PTPRD: variants seen among roughly 807,000 people sequenced by gnomAD.
PTPRD encodes the protein protein tyrosine phosphatase receptor type D, also known as receptor-type tyrosine-protein phosphatase delta.
Under a neutral mutation model 214.5 loss-of-function variants are expected in PTPRD, and 34 were observed. The ratio of observed to expected loss-of-function variants is 0.16; its 90% CI spans 0.12 to 0.21. PTPRD has a LOEUF of 0.21. Ranked by LOEUF, PTPRD falls within the 10% of genes least tolerant of loss-of-function variation. PTPRD has a pLI of 1.00. For missense variants in PTPRD, 2,545 were observed against 2,398.7 expected (o/e 1.06, Z -1.27); for synonymous variants, 1,128 against 845.7 (o/e 1.33, Z -5.79).
intron 2 of PTPRD, among the ~76,000 whole-genome samples, chr9:10,406,597 C>T (rs111278260): frequency 0.014 from 2,173 of 151,672 alleles, 38 homozygotes; most frequent in African/African-American, 0.042. Context: ...CTGCAACCAA[C>T]ATGAAACACA....
intron 8 of PTPRD, among the ~76,000 whole-genome samples, chr9:9,566,669 C>T (rs1265428186): frequency 6.6e-6 from 1 of 152,018 alleles, no homozygotes; most frequent in Non-Finnish European, 1.5e-5. Context: ...AGATTAAACA[C>T]CAGCTTTTAA....
At chr9:9,533,912 T>C (rs571983709) in intron 8 of PTPRD, among the ~76,000 whole-genome samples, 1 of 152,224 alleles carries the variant, frequency 6.6e-6, no homozygotes, top group East Asian at 1.9e-4. Flanking sequence ...ATCTCCTTTT[T>C]ACTGTATCCT....
At chr9:8,322,336 C>A (rs1018082946) in intron 44 of PTPRD, among the ~76,000 whole-genome samples, 13 of 152,174 alleles carry the variant, frequency 8.5e-5, no homozygotes, top group African/African-American at 2.7e-4. Flanking sequence ...AGCTAGGCCT[C>A]TCGCACCAAA....
At chr9:9,227,522 C>A (rs1470050559) in intron 9 of PTPRD, among the ~76,000 whole-genome samples, 1 of 152,122 alleles carries the variant, frequency 6.6e-6, no homozygotes, top group African/African-American at 2.4e-5. Context: ...CTCTGACACT[C>A]CTCCCTATAA....
intron 2 of PTPRD, among the ~76,000 whole-genome samples, chr9:10,380,989 A>G (rs1340706349): frequency 6.6e-6 from 1 of 151,960 alleles, no homozygotes; most frequent in African/African-American, 2.4e-5. Flanking sequence ...TATGGTAGTG[A>G]TATTTAAAAA....
intron 5 of PTPRD, among the ~76,000 whole-genome samples, chr9:9,868,456 AG>A (rs1329957896): frequency 6.6e-6 from 1 of 152,168 alleles, no homozygotes; most frequent in Non-Finnish European, 1.5e-5. Flanking sequence ...AGCAAGTCAA[AG>A]ATCAAAGTAG....
chr9:8,321,495 A>G (rs1184389232), intron 44 of PTPRD, among the ~76,000 whole-genome samples: 37 of 76,000 alleles, frequency 4.9e-4, no homozygotes, highest in East Asian at 1.3e-3. Context: ...GTGTATATAT[A>G]TATATATATA....
chr9:8,914,146 A>G (rs1436899374), intron 11 of PTPRD, among the ~76,000 whole-genome samples: 4 of 152,138 alleles, frequency 2.6e-5, no homozygotes, highest in Non-Finnish European at 5.9e-5. Flanking sequence ...TCTAGAGTGG[A>G]TGATTTTAAC....
chr9:8,976,854 G>T (rs2099270685), intron 11 of PTPRD, among the ~76,000 whole-genome samples: 2 of 152,048 alleles, frequency 1.3e-5, no homozygotes, highest in African/African-American at 2.4e-5. Flanking sequence ...GCCTGTTAAG[G>T]TGAAGGAAAA....
intron 39 of PTPRD, among the ~76,000 whole-genome samples, chr9:8,343,724 G>A (rs1171640627): frequency 3.3e-5 from 5 of 151,932 alleles, no homozygotes; most frequent in Non-Finnish European, 7.4e-5. Flanking sequence ...CATACATCTT[G>A]AGAGCAGGAA....
chr9:8,555,040 T>C (rs2083321810), intron 14 of PTPRD, among the ~76,000 whole-genome samples: 1 of 152,194 alleles, frequency 6.6e-6, no homozygotes. Flanking sequence ...ATTTGCTAAA[T>C]GTTACTATAT....
intron 2 of PTPRD, among the ~76,000 whole-genome samples, chr9:10,378,693 G>A (rs1258424630): frequency 2.6e-5 from 4 of 151,930 alleles, no homozygotes. Flanking sequence ...TTTTATTCCA[G>A]TGCCATGCTG....
chr9:9,680,066 A>G (rs1023579193), intron 7 of PTPRD, among the ~76,000 whole-genome samples: 1 of 151,930 alleles, frequency 6.6e-6, no homozygotes, highest in African/African-American at 2.4e-5. Context: ...TAAATATGGT[A>G]TCAGGGAAAC....
intron 2 of PTPRD, among the ~76,000 whole-genome samples, chr9:10,390,078 C>T (rs1338881483): frequency 6.6e-6 from 1 of 151,624 alleles, no homozygotes; most frequent in East Asian, 2.0e-4. Context: ...TGATAAATTG[C>T]CCATTAGGAG....
intron 5 of PTPRD, among the ~76,000 whole-genome samples, chr9:9,825,307 G>A (rs549624611): frequency 6.7e-6 from 1 of 150,352 alleles, no homozygotes; most frequent in East Asian, 1.9e-4. Flanking sequence ...TGGCAGGTAG[G>A]AAGAAAGAGA....
intron 5 of PTPRD, among the ~76,000 whole-genome samples, chr9:9,931,649 G>T (rs943209397): frequency 2.6e-5 from 4 of 151,462 alleles, no homozygotes; most frequent in Non-Finnish European, 4.4e-5. Flanking sequence ...GAGGCTGGGG[G>T]AGGGGCGCCC....
intron 4 of PTPRD, among the ~76,000 whole-genome samples, chr9:9,956,396 C>G (rs1320208579): frequency 1.3e-5 from 2 of 151,806 alleles, no homozygotes; most frequent in African/African-American, 2.4e-5. Context: ...CTGCACGAAC[C>G]TGAAAGATTA....
intron 44 of PTPRD, among the ~76,000 whole-genome samples, chr9:8,330,113 C>T (rs1450954707): frequency 6.6e-6 from 1 of 152,106 alleles, no homozygotes; most frequent in Admixed American, 6.6e-5. Flanking sequence ...TCACGGCTTC[C>T]CTTGGCTAGG....
At chr9:9,146,590 G>A (rs1040402245) in intron 10 of PTPRD, among the ~76,000 whole-genome samples, 5 of 151,856 alleles carry the variant, frequency 3.3e-5, no homozygotes, top group Admixed American at 1.3e-4. Context: ...TTATTTCACA[G>A]CTCGAAGGGA....
Sources: allele counts gnomAD v4.1 joint callset (sites outside exome capture counted in the v4.1 genomes callset), GRCh38; gene constraint gnomAD v4.1.1; transcripts MANE v1.5; gene names NCBI Gene and HGNC (gene_info 2026-07-23, HGNC 2026-07-21).